Variants in TEC observed in about 807,000 individuals in gnomAD.
TEC encodes the protein tyrosine-protein kinase Tec.
Under a neutral mutation model 93.0 loss-of-function variants are expected in TEC, and 72 were observed. The ratio of observed to expected loss-of-function variants is 0.77; its 90% confidence interval spans 0.64 to 0.94. The LOEUF is 0.94. Among genes scored for constraint, TEC ranks in the 40% least tolerant of loss-of-function variants. The probability of loss-of-function intolerance (pLI) is 0.00; values close to 1 mark genes in which losing one functional copy is unlikely to be tolerated. For missense variants in TEC, 630 were observed against 757.9 expected, an observed-to-expected ratio of 0.83 and a Z score of 1.98; for synonymous variants, 249 against 247.7, an observed-to-expected ratio of 1.01 and a Z score of -0.05.
intron 2 of TEC, among the ~76,000 whole-genome samples, chr4:48,223,383 T>C (rs1326829149): frequency 2.0e-5 from 3 of 152,104 alleles, no homozygotes; most frequent in Admixed American, 1.3e-4. Flanking sequence ...CAAATTTTCA[T>C]TGGAATATCA....
chr4:48,269,163 T>C (rs1205677288), intron 1 of TEC, among the ~76,000 whole-genome samples: 1 of 152,144 alleles, frequency 6.6e-6, no homozygotes, highest in Admixed American at 6.5e-5. Context: ...CACGTGCAAC[T>C]GCGGAACATC....
chr4:48,143,544 T>G (rs2109505898), intron 14 of TEC, among the ~76,000 whole-genome samples: 1 of 152,344 alleles, frequency 6.6e-6, no homozygotes, highest in East Asian at 1.9e-4. Context: ...ATGTGACCTT[T>G]AAAACAGTCC....
chr4:48,190,557 C>T (rs1259299060), intron 2 of TEC, among the ~76,000 whole-genome samples: 1 of 152,164 alleles, frequency 6.6e-6, no homozygotes, highest in Non-Finnish European at 1.5e-5. Flanking sequence ...TCATGGACAG[C>T]ATTTTGACGC....
chr4:48,231,968 T>C (rs1284632920), intron 1 of TEC, among the ~76,000 whole-genome samples: 1 of 151,940 alleles, frequency 6.6e-6, no homozygotes, highest in Non-Finnish European at 1.5e-5. Flanking sequence ...GAAAAAACAT[T>C]CATGTTGAAT....
In TEC at chr4:48,136,569, T is replaced by C. The variant is rs1325885058; in HGVS notation, c.*847A>G. 1 of 152,200 alleles carries C rather than the reference T, an allele frequency of 6.6e-6. No homozygotes were observed. The highest frequency in any genetic ancestry group is 1.5e-5 in the Non-Finnish European group (1 of 68,054). 9.4% of individuals were successfully genotyped at this position (152,200 alleles called of 1,614,324 possible). A position where few individuals can be genotyped will look rare whatever the true frequency, so the allele number is the denominator to read the frequency against. ...TGATTCTGATTAGCTGCGGCCACCA[T>C]GGGCAGGATTACATAGGCCAAATGC... On this transcript the variant is annotated 3_prime_UTR_variant, in exon 18 of 18. Transcript: ENST00000381501.
intron 8 of TEC, among the ~76,000 whole-genome samples, chr4:48,160,680 T>C (rs1323773120): frequency 6.9e-6 from 1 of 143,990 alleles, no homozygotes; most frequent in Non-Finnish European, 1.5e-5. Context: ...TGAGCTGAGA[T>C]TGCACCACTG....
intron 1 of TEC, among the ~76,000 whole-genome samples, chr4:48,259,949 A>G (rs771243526): frequency 6.6e-6 from 1 of 151,944 alleles, no homozygotes; most frequent in African/African-American, 2.4e-5. Context: ...AGTTTCATAA[A>G]CTCTAGACCA....
chr4:48,251,501 CT>C (rs1240891589), intron 1 of TEC, among the ~76,000 whole-genome samples: 4 of 152,174 alleles, frequency 2.6e-5, no homozygotes, highest in Non-Finnish European at 5.9e-5. Flanking sequence ...CTGTGTGACA[CT>C]TTTCTTGATT....
chr4:48,225,677 G>A (rs11947838), intron 2 of TEC, among the ~76,000 whole-genome samples: 70,378 of 151,626 alleles, frequency 0.46, 16,706 homozygotes, highest in East Asian at 0.6. Flanking sequence ...GTTATTTTAA[G>A]AAGCCAGATT....
Position 48,266,288 on chromosome 4 carries a change from C to T in TEC, c.-46+3464G>A, listed in dbSNP as rs115352674. 4.6e-3 allele frequency among the ~76,000 whole-genome samples: 701 copies of T among 152,280 alleles called. 3 individuals are homozygous for T. The highest frequency in any genetic ancestry group is 0.016 in the African/African-American group (673 of 41,554). On this transcript the variant is annotated intron_variant, in intron 1 of 17. Transcript: ENST00000381501. ...GTGCTACAAGTACCAGGAGATCCAACACAAGAGACAAATGATGAGAATCTC... is the reference window on the plus strand; with the variant it reads ...GTGCTACAAGTACCAGGAGATCCAATACAAGAGACAAATGATGAGAATCTC...
chr4:48,252,246 T>C (rs1359469454), intron 1 of TEC, among the ~76,000 whole-genome samples: 1 of 152,246 alleles, frequency 6.6e-6, no homozygotes, highest in Non-Finnish European at 1.5e-5. Context: ...GTATGGCACA[T>C]GGATTATAGT....
intron 16 of TEC, 26 bp from the exon 17 acceptor site, chr4:48,138,848 TG>T (rs768873795): frequency 1.2e-5 from 19 of 1,613,560 alleles, no homozygotes; most frequent in South Asian, 7.7e-5. Context: ...GATTACCAAA[TG>T]GATGTATCCA....
chr4:48,235,367 T>C (rs73817607), intron 1 of TEC, among the ~76,000 whole-genome samples: 17,360 of 152,034 alleles, frequency 0.11, 1,183 homozygotes, highest in East Asian at 0.18. Flanking sequence ...TAAGATACAA[T>C]GAGATGAAAA....
At chr4:48,158,608 A>G (rs1317885006) in intron 8 of TEC, among the ~76,000 whole-genome samples, 2 of 152,246 alleles carry the variant, frequency 1.3e-5, no homozygotes, top group Admixed American at 1.3e-4. Context: ...GAGACTGAAA[A>G]AAAGTTATTA....
chr4:48,171,258 G>C (rs1721100374), intron 4 of TEC, 110 bp downstream of exon 4: 1 of 815,716 alleles, frequency 1.2e-6, no homozygotes, highest in Non-Finnish European at 1.9e-6. Flanking sequence ...ACTTACTGTA[G>C]ATTAAGAGAT....
intron 2 of TEC, among the ~76,000 whole-genome samples, chr4:48,218,418 AGCC>A (rs1723147777): frequency 6.6e-6 from 1 of 152,178 alleles, no homozygotes; most frequent in Admixed American, 6.6e-5. Flanking sequence ...CACAGGCCTG[AGCC>A]ACCACACCTG....
At chr4:48,247,302 G>A (rs1724080602) in intron 1 of TEC, among the ~76,000 whole-genome samples, 1 of 152,128 alleles carries the variant, frequency 6.6e-6, no homozygotes, top group Non-Finnish European at 1.5e-5. Flanking sequence ...AATGTAAAAT[G>A]GTACAGGCAC....
chr4:48,140,685 TG>T lies in TEC; in HGVS notation c.1535+669del, dbSNP rs200692788. On this transcript the variant is annotated intron_variant, in intron 15 of 17. Coordinates refer to ENST00000381501, the MANE Select transcript of TEC (RefSeq NM_003215.3). ...ACGCTATTTTTATGGACAGCAACAT[TG>T]GAATTTCAGATTTTTTTTTACATGT... Among the ~76,000 whole-genome samples the T allele has an allele frequency of 1.4e-4, 22 of 152,328 alleles. No individual in the cohort carries two copies. In the East Asian group the frequency reaches 4.2e-3, roughly 29 times the overall value.
At chr4:48,175,560 C>T (rs1487861087) in intron 3 of TEC, among the ~76,000 whole-genome samples, 3 of 152,108 alleles carry the variant, frequency 2.0e-5, no homozygotes, top group Admixed American at 2.0e-4. Context: ...CTCAGGACGC[C>T]GGACCCTCCT....
Sources: allele counts gnomAD v4.1 joint callset (sites outside exome capture counted in the v4.1 genomes callset), GRCh38; gene constraint gnomAD v4.1.1; transcripts MANE v1.5; gene names NCBI Gene and HGNC (gene_info 2026-07-23, HGNC 2026-07-21).